The following RPS6KC1 variants were observed in gnomAD, a reference collection of about 807,000 sequenced individuals.
RPS6KC1 encodes the protein inactive ribosomal protein S6 kinase delta-1.
Under a neutral mutation model 103.8 loss-of-function variants are expected in RPS6KC1, and 54 were observed. The observed-to-expected ratio is 0.52, with a 90% CI of 0.42 to 0.65. RPS6KC1 has a LOEUF of 0.65. RPS6KC1 is among the 30% of genes least tolerant of loss of function. The pLI is 0.00. For synonymous variants in RPS6KC1, 439 were observed against 438.7 expected (o/e 1.00, Z -0.01); for missense variants, 1,151 against 1,253.8 (o/e 0.92, Z 1.24).
At chr1:213,519,167 G>A in the RPS6KC1 span, among the ~76,000 whole-genome samples, 8 of 152,242 alleles carry the variant, frequency 5.3e-5, no homozygotes, top group Non-Finnish European at 8.8e-5. Context: ...TTTGACTGTT[G>A]TTCTGCAGTC....
the RPS6KC1 span, among the ~76,000 whole-genome samples, chr1:213,738,996 C>T: frequency 6.6e-6 from 1 of 150,702 alleles, no homozygotes; most frequent in African/African-American, 2.4e-5. Context: ...TCCAGAGGCC[C>T]AACATTTGAT....
At position 213,241,956 on chromosome 1, in the gene RPS6KC1, G is replaced by A. The variant is rs2148948048; in HGVS notation, c.2480G>A (p.Gly827Asp). 3 of 1,614,014 alleles carry A rather than the reference G, an allele frequency of 1.9e-6. No homozygotes were observed. Among genetic ancestry groups the A allele is most frequent in the Non-Finnish European group, 2.5e-6 (3 of 1,179,954 alleles). Residue 827 changes from glycine to aspartate, a missense_variant, in exon 11 of 15, where the codon GGT (glycine) becomes GAT (aspartate). Gly to Asp is a moderately conservative substitution (Grantham distance 94). Around this residue, in one of 3 missense-constraint regions of RPS6KC1, gnomAD observed 959 missense variants for 1,006.3 expected, o/e 0.95. Coordinates refer to ENST00000366960, the MANE Select transcript of RPS6KC1 (RefSeq NM_012424.6). Reference protein sequence around the residue: ...SLFRICSPLSGANEYIASTDT... With the variant: ...SLFRICSPLSDANEYIASTDT... ...TTCCGTATTTGTAGTCCACTCTCAG[G>A]TGCTAATGAATATATTGCAAGCACA...
At chr1:213,107,018 G>T (rs148111231) in intron 4 of RPS6KC1, among the ~76,000 whole-genome samples, 1 of 151,754 alleles carries the variant, frequency 6.6e-6, no homozygotes, top group Non-Finnish European at 1.5e-5. Flanking sequence ...TCGGCTAACC[G>T]CAACCTCTTG....
intron 3 of RPS6KC1, among the ~76,000 whole-genome samples, chr1:213,097,030 G>A (rs753725148): frequency 6.6e-5 from 10 of 152,248 alleles, no homozygotes; most frequent in East Asian, 1.9e-4. Context: ...CCAGAGCTTC[G>A]AGTGAACCAG....
At chr1:213,305,145 C>T in the RPS6KC1 span, among the ~76,000 whole-genome samples, 18 of 151,992 alleles carry the variant, frequency 1.2e-4, no homozygotes, top group Admixed American at 1.3e-4. Context: ...AGTGCACTGG[C>T]GCCATCTCAG....
At chr1:213,345,031 G>T in the RPS6KC1 span, among the ~76,000 whole-genome samples, 2 of 152,164 alleles carry the variant, frequency 1.3e-5, no homozygotes, top group African/African-American at 4.8e-5. Flanking sequence ...TCTTCAAGTT[G>T]TACACGTTTA....
chr1:213,641,153 A>G, the RPS6KC1 span, among the ~76,000 whole-genome samples: 1 of 131,304 alleles, frequency 7.6e-6, no homozygotes, highest in Admixed American at 7.4e-5. Flanking sequence ...ACTGATTCTT[A>G]CTCTTTTACC....
the RPS6KC1 span, among the ~76,000 whole-genome samples, chr1:213,314,048 G>A: frequency 2.0e-5 from 3 of 152,028 alleles, no homozygotes; most frequent in Non-Finnish European, 2.9e-5. Context: ...TGCTTCCTCC[G>A]AGACTCCAGC....
At chr1:213,155,752 T>C (rs945964677) in intron 6 of RPS6KC1, among the ~76,000 whole-genome samples, 1 of 152,196 alleles carries the variant, frequency 6.6e-6, no homozygotes, top group Non-Finnish European at 1.5e-5. Flanking sequence ...TTGGTTCTTA[T>C]GAAGGTGTTT....
chr1:213,569,665 A>C, the RPS6KC1 span, among the ~76,000 whole-genome samples: 11 of 152,328 alleles, frequency 7.2e-5, no homozygotes, highest in East Asian at 2.1e-3. Flanking sequence ...AGAAATGAGT[A>C]ATTTTACCCT....
At chr1:213,499,217 G>A in the RPS6KC1 span, among the ~76,000 whole-genome samples, 3 of 152,138 alleles carry the variant, frequency 2.0e-5, no homozygotes, top group South Asian at 6.2e-4. Context: ...CATAAAACAA[G>A]ATACAGAACT....
At chr1:213,786,732 G>T in the RPS6KC1 span, among the ~76,000 whole-genome samples, 1 of 152,128 alleles carries the variant, frequency 6.6e-6, no homozygotes, top group African/African-American at 2.4e-5. Flanking sequence ...CACTTTTCTG[G>T]CGGGATTTTA....
At chr1:213,521,633 T>C in the RPS6KC1 span, among the ~76,000 whole-genome samples, 19 of 152,248 alleles carry the variant, frequency 1.2e-4, no homozygotes, top group East Asian at 1.9e-4. Context: ...ATCCTACCAC[T>C]GCTTTACCAA....
At chr1:213,672,740 C>T in the RPS6KC1 span, among the ~76,000 whole-genome samples, 1 of 152,250 alleles carries the variant, frequency 6.6e-6, no homozygotes, top group East Asian at 1.9e-4. Flanking sequence ...GAGCTTTCCC[C>T]TGAGCTTCAC....
At chr1:213,466,533 A>G in the RPS6KC1 span, among the ~76,000 whole-genome samples, 1 of 152,194 alleles carries the variant, frequency 6.6e-6, no homozygotes, top group South Asian at 2.1e-4. Context: ...ACAGAATGGC[A>G]AAGAGAAGGA....
the RPS6KC1 span, among the ~76,000 whole-genome samples, chr1:213,520,856 CAAAT>C: frequency 2.6e-5 from 4 of 152,080 alleles, no homozygotes; most frequent in African/African-American, 7.2e-5. Flanking sequence ...TTTAAATTGT[CAAAT>C]AAATAGTTGT....
chr1:213,408,715 A>C, the RPS6KC1 span, among the ~76,000 whole-genome samples: 1 of 152,212 alleles, frequency 6.6e-6, no homozygotes, highest in East Asian at 1.9e-4. Context: ...CTGTTTCTCC[A>C]TACACACAGA....
the RPS6KC1 span, among the ~76,000 whole-genome samples, chr1:213,666,293 A>C: frequency 6.6e-6 from 1 of 152,208 alleles, no homozygotes; most frequent in Non-Finnish European, 1.5e-5. Flanking sequence ...CTAGAAACAC[A>C]AGGTGGTGCT....
chr1:213,530,199 C>A, the RPS6KC1 span, among the ~76,000 whole-genome samples: 1 of 152,188 alleles, frequency 6.6e-6, no homozygotes, highest in Non-Finnish European at 1.5e-5. Flanking sequence ...CTTTCATTTT[C>A]ATCCCTTGGC....
Sources: gnomAD v4.1 joint callset for allele counts (sites outside exome capture counted in the v4.1 genomes callset) on GRCh38, gnomAD v4.1.1 for gene constraint, gnomAD v4.1.1 regional missense constraint, MANE v1.5 for transcripts, NCBI Gene and HGNC (gene_info 2026-07-23, HGNC 2026-07-21) for gene names.